ROCK1: variants seen among roughly 807,000 people sequenced by gnomAD.
ROCK1 encodes Rho associated coiled-coil containing protein kinase 1.
ROCK1 carries 36 observed loss-of-function variants against 196.8 expected under a neutral mutation model. The observed-to-expected ratio is 0.18, with a 90% CI of 0.14 to 0.24. ROCK1 has a LOEUF of 0.24. ROCK1 is among the 10% of genes least tolerant of loss of function. The pLI is 1.00. For missense variants in ROCK1, 920 were observed against 1,562.0 expected (o/e 0.59, Z 6.93); for synonymous variants, 443 against 515.9 (o/e 0.86, Z 1.91).
At chr18:21,093,190 C>A (rs117061959) in intron 1 of ROCK1, among the ~76,000 whole-genome samples, 84 of 152,260 alleles carry the variant, frequency 5.5e-4, no homozygotes, top group Non-Finnish European at 9.9e-4. Flanking sequence ...TTCCACTGTA[C>A]CTGAACAAAT....
At chr18:21,062,856 C>T (rs537099107) in intron 2 of ROCK1, among the ~76,000 whole-genome samples, 1 of 152,238 alleles carries the variant, frequency 6.6e-6, no homozygotes. Flanking sequence ...CAGTATCCAA[C>T]GTCTAATGCA....
intron 17 of ROCK1, among the ~76,000 whole-genome samples, chr18:20,992,500 A>G (rs967716946): frequency 6.6e-6 from 1 of 152,202 alleles, no homozygotes; most frequent in African/African-American, 2.4e-5. Context: ...TTCCTTCTTC[A>G]TAAGCCCTCA....
At chr18:21,066,373 G>GT (rs1173428455) in intron 2 of ROCK1, among the ~76,000 whole-genome samples, 1 of 152,050 alleles carries the variant, frequency 6.6e-6, no homozygotes, top group African/African-American at 2.4e-5. Context: ...TTACATAGAA[G>GT]TAATTTTTTT....
At chr18:21,075,631 G>A (rs1310745436) in intron 1 of ROCK1, among the ~76,000 whole-genome samples, 1 of 152,232 alleles carries the variant, frequency 6.6e-6, no homozygotes, top group Middle Eastern at 3.4e-3. Context: ...CTGAAGAATA[G>A]AACACTGGGA....
chr18:20,966,358 C>G (rs1285909283), intron 27 of ROCK1, among the ~76,000 whole-genome samples: 1 of 152,110 alleles, frequency 6.6e-6, no homozygotes, highest in Non-Finnish European at 1.5e-5. Context: ...AAATCTTAGC[C>G]ACTCATTCCT....
intron 9 of ROCK1, among the ~76,000 whole-genome samples, chr18:21,038,167 G>C (rs1244884617): frequency 2.0e-5 from 3 of 152,048 alleles, no homozygotes; most frequent in Non-Finnish European, 4.4e-5. Context: ...AAAGTGTTTT[G>C]ATGTAACCAT....
intron 9 of ROCK1, among the ~76,000 whole-genome samples, chr18:21,029,512 T>C (rs1179215481): frequency 6.6e-6 from 1 of 152,144 alleles, no homozygotes; most frequent in Non-Finnish European, 1.5e-5. Flanking sequence ...GGATTTGGAA[T>C]TGTATTTTCA....
chr18:20,978,774 G>A (rs1363706645), intron 22 of ROCK1, among the ~76,000 whole-genome samples: 1 of 152,178 alleles, frequency 6.6e-6, no homozygotes, highest in Non-Finnish European at 1.5e-5. Flanking sequence ...AGGTGGGGAG[G>A]AAAGAAGGCA....
chr18:21,063,720 T>C (rs1340110114), intron 2 of ROCK1, among the ~76,000 whole-genome samples: 1 of 152,212 alleles, frequency 6.6e-6, no homozygotes, highest in African/African-American at 2.4e-5. Flanking sequence ...AGATGTATTA[T>C]TGAGACTGAA....
At chr18:21,095,047 T>C (rs980524598) in intron 1 of ROCK1, among the ~76,000 whole-genome samples, 5 of 124,100 alleles carry the variant, frequency 4.0e-5, no homozygotes, top group African/African-American at 1.4e-4. Context: ...GGAAACTCTG[T>C]CTCAAAAAAA....
rs774681234 is a variant in ROCK1, at chr18:20,992,936, A to T, written c.1887T>A (p.Ala629=). The change falls in exon 17 of 33, where the codon GCT becomes GCA. Residue 629 remains alanine, a splice_region_variant and synonymous_variant. Coordinates refer to ENST00000399799, the MANE Select transcript of ROCK1 (RefSeq NM_005406.3). The stretch of plus-strand genomic sequence containing the variant: ...CCTCCTCTTGTAAAGATGTAATTCG[A>T]GCTATCAAGTGAGAAAAAAGTTCAA... ...HDSEMIGDLQ[A]RITSLQEEVK... 1.2e-6 allele frequency: 2 copies of T among 1,600,092 alleles called. No individual in the cohort carries two copies. The highest frequency in any genetic ancestry group is 1.7e-6 in the Non-Finnish European group (2 of 1,168,470).
intron 9 of ROCK1, 48 bp downstream of exon 9, chr18:21,039,424 A>G (rs756924052): frequency 7.4e-7 from 1 of 1,354,078 alleles, no homozygotes; most frequent in African/African-American, 1.5e-5. Flanking sequence ...AACTACCACA[A>G]CTACTTTCAA....
intron 9 of ROCK1, among the ~76,000 whole-genome samples, chr18:21,029,828 T>C (rs2035991338): frequency 6.6e-6 from 1 of 152,088 alleles, no homozygotes; most frequent in African/African-American, 2.4e-5. Flanking sequence ...TTTAAGAAAA[T>C]TTATTTTTTA....
intron 1 of ROCK1, among the ~76,000 whole-genome samples, chr18:21,075,103 C>G (rs1226190532): frequency 2.0e-5 from 3 of 152,150 alleles, no homozygotes; most frequent in Non-Finnish European, 4.4e-5. Context: ...TAATTTGGAA[C>G]CACAGGAATT....
In ROCK1 at chr18:21,017,898, G is replaced by A. The variant is rs1164794277; in HGVS notation, c.1361+2253C>T. ...TGAGGCAGGAGAATGCCATGAACCC[G>A]GGAGGTGGAGCTTGCAGTGAGCTGA... is the stretch of plus-strand genomic sequence containing the variant. On this transcript the variant is annotated intron_variant, in intron 12 of 32. Transcript: ENST00000399799. 1.1e-4 allele frequency among the ~76,000 whole-genome samples: 17 copies of A among 151,334 alleles called. No individual in the cohort carries two copies. In the East Asian group the frequency reaches 1.2e-3, roughly 11 times the overall value.
chr18:21,100,211 G>A (rs1446657829), intron 1 of ROCK1, among the ~76,000 whole-genome samples: 1 of 150,340 alleles, frequency 6.7e-6, no homozygotes, highest in Non-Finnish European at 1.5e-5. Flanking sequence ...GAAATAATCA[G>A]TCACTTTTTC....
At chr18:21,024,206 G>T (rs1413254055) in intron 10 of ROCK1, among the ~76,000 whole-genome samples, 3 of 152,126 alleles carry the variant, frequency 2.0e-5, no homozygotes, top group Non-Finnish European at 2.9e-5. Context: ...TGCCTATGTG[G>T]GTGAAATAAC....
chr18:21,083,908 C>T (rs2036503743), intron 1 of ROCK1, among the ~76,000 whole-genome samples: 2 of 151,994 alleles, frequency 1.3e-5, no homozygotes, highest in South Asian at 4.2e-4. Flanking sequence ...GCCCCTAATC[C>T]CCATGTTGTT....
At chr18:21,015,054 T>C (rs1268325993) in intron 13 of ROCK1, among the ~76,000 whole-genome samples, 1 of 152,218 alleles carries the variant, frequency 6.6e-6, no homozygotes, top group Non-Finnish European at 1.5e-5. Flanking sequence ...TCAGTGTTAA[T>C]CTTTTAAAAA....
Sources: gnomAD v4.1 joint callset for allele counts (sites outside exome capture counted in the v4.1 genomes callset) on GRCh38, gnomAD v4.1.1 for gene constraint, MANE v1.5 for transcripts, NCBI Gene and HGNC (gene_info 2026-07-23, HGNC 2026-07-21) for gene names.